The following WDR74 variants were observed in gnomAD, a reference collection of about 807,000 sequenced individuals.
WDR74 encodes WD repeat domain 74, also known as WD repeat-containing protein 74.
WDR74 carries 31 observed loss-of-function variants against 45.6 expected under a neutral mutation model. That is an observed-to-expected ratio of 0.68 (90% CI 0.51 to 0.92). The LOEUF is 0.92. Ranked by LOEUF, WDR74 falls within the 40% of genes least tolerant of loss-of-function variation. WDR74 has a pLI of 0.00. For missense variants in WDR74, 455 were observed against 497.2 expected (o/e 0.92, Z 0.81); for synonymous variants, 191 against 192.4 (o/e 0.99, Z 0.06).
At position 62,834,349 on chromosome 11, in the gene WDR74, G is replaced by A; in HGVS notation, c.720-18C>T. 1 of 1,613,776 alleles carries A rather than the reference G, an allele frequency of 6.2e-7. No individual in the cohort carries two copies. The highest frequency in any genetic ancestry group is 8.5e-7 in the Non-Finnish European group (1 of 1,179,876). On this transcript the variant is annotated intron_variant, in intron 7 of 10. Coordinates refer to ENST00000278856, the MANE Select transcript of WDR74 (RefSeq NM_001369450.1). Reference sequence around the variant, plus strand: ...TCACTGAGCTGAGGATGAGACCAGAGGCAAGTGGGATCAGCAGTAACCTCC... The same window carrying A: ...TCACTGAGCTGAGGATGAGACCAGAAGCAAGTGGGATCAGCAGTAACCTCC...
chr11:62,833,553 C>G lies in WDR74; in HGVS notation c.978+65G>C, dbSNP rs1182227465. On this transcript the variant is annotated intron_variant, in intron 10 of 10. Transcript: ENST00000278856. ...TCTGCATTCCAGCTGCCTCCTTTTC[C>G]TCTCCATAGGGAGGTCCTCACATCT... The G allele has an allele frequency of 2.0e-6, 3 of 1,532,078 alleles. No homozygotes were observed. In the African/African-American group the frequency reaches 4.1e-5, roughly 21 times the overall value. The allele number at this position is 1,532,078 out of a possible 1,614,324, so 94.9% of individuals were successfully genotyped here.
Position 62,835,780 on chromosome 11 carries a change from T to TG in WDR74, c.430dup (p.His144ProfsTer21), listed in dbSNP as rs756898624. On this transcript the variant is annotated frameshift_variant, in exon 5 of 11. Coordinates refer to ENST00000278856, the MANE Select transcript of WDR74 (RefSeq NM_001369450.1). LOFTEE classifies it high-confidence loss of function. ...CTCTTTCCCACCTGTGGCAACCACA[T>TG]GGGGGTGTGCTGGGTCTTGGCGCAT... 2.5e-6 allele frequency: 4 copies of TG among 1,613,712 alleles called. No homozygotes were observed. The African/African-American group carries it at 5.3e-5, about 22-fold the overall frequency.
chr11:62,834,281 C>G lies in WDR74; in HGVS notation c.770G>C (p.Arg257Pro). 3 of 1,613,918 alleles carry G rather than the reference C, an allele frequency of 1.9e-6. No individual in the cohort carries two copies. The highest frequency in any genetic ancestry group is 2.5e-6 in the Non-Finnish European group (3 of 1,179,880). The change falls in exon 8 of 11, where the codon CGG becomes CCG. Residue 257 changes from arginine to proline, a missense_variant. Coordinates refer to ENST00000278856, the MANE Select transcript of WDR74 (RefSeq NM_001369450.1). The part of the protein sequence containing the change: ...THGQLAEIDL[R>P]QGRLLGCLKG... ...ATGTACCCTAGTCCACTCACCTTGC[C>G]GAAGGTCAATTTCTGCCAGCTGCCC...
At chr11:62,836,203 C>T in intron 3 of WDR74, 167 bp from the exon 4 acceptor site, 1 of 684,864 alleles carries the variant, frequency 1.5e-6, no homozygotes, top group South Asian at 1.9e-5. Context: ...ACTAACAGTC[C>T]AGTTTAGAAG....
In WDR74 at chr11:62,832,934, A is replaced by G. The variant is rs1331947043; in HGVS notation, c.*18T>C. ...GGTGGGTGTTCAGCAGTTTATTTAC[A>G]AAGTGGGCACAGGGGCGTCAGGGGC... On this transcript the variant is annotated 3_prime_UTR_variant, in exon 11 of 11. Coordinates refer to ENST00000278856, the MANE Select transcript of WDR74 (RefSeq NM_001369450.1). The G allele has an allele frequency of 3.8e-6, 6 of 1,583,612 alleles. No homozygotes were observed. Among genetic ancestry groups the G allele is most frequent in the Non-Finnish European group, 5.1e-6 (6 of 1,167,026 alleles).
chr11:62,835,600 T>G (rs774302249), intron 5 of WDR74, 68 bp from the exon 6 acceptor site: 19 of 1,613,036 alleles, frequency 1.2e-5, no homozygotes, highest in Non-Finnish European at 1.6e-5. Flanking sequence ...TCAGCCCTCC[T>G]TCGCCCCCTA....
At chr11:62,841,417 C>T (rs941922490), upstream of WDR74, among the ~76,000 whole-genome samples, 21 of 151,604 alleles carry the variant, frequency 1.4e-4, no homozygotes, top group South Asian at 2.1e-4. Flanking sequence ...ATGAAGATTG[C>T]TGAAGACCAC....
At chr11:62,841,344 G>T (rs897575416), upstream of WDR74, among the ~76,000 whole-genome samples, 3 of 152,022 alleles carry the variant, frequency 2.0e-5, no homozygotes, top group Non-Finnish European at 4.4e-5. Context: ...AATAAAAATG[G>T]AAAACATTAG....
chr11:62,838,039 G>A (rs2084984531), intron 3 of WDR74, among the ~76,000 whole-genome samples: 1 of 152,144 alleles, frequency 6.6e-6, no homozygotes, highest in Non-Finnish European at 1.5e-5. Flanking sequence ...GGAGGTTGAG[G>A]CTGTAGTGAG....
At chr11:62,833,312 A>G (rs1401427655) in intron 10 of WDR74, among the ~76,000 whole-genome samples, 181 bp from the exon 11 acceptor site, 6 of 150,728 alleles carry the variant, frequency 4.0e-5, no homozygotes, top group Non-Finnish European at 5.9e-5. Context: ...AAAAAAAAAA[A>G]AAAAAAAAAA....
At chr11:62,834,602 C>T in intron 6 of WDR74, 75 bp from the exon 7 acceptor site, 2 of 1,246,066 alleles carry the variant, frequency 1.6e-6, no homozygotes, top group Non-Finnish European at 2.2e-6. Context: ...ATCCTCACCC[C>T]CTCCCTGCAC....
chr11:62,837,957 G>A (rs999683857), intron 3 of WDR74, among the ~76,000 whole-genome samples: 1 of 152,104 alleles, frequency 6.6e-6, no homozygotes, highest in African/African-American at 2.4e-5. Context: ...TAAAAATTTA[G>A]CTGGGCAGGG....
In WDR74 at chr11:62,839,549, A is replaced by G. The variant is rs770688561; in HGVS notation, c.22T>C (p.Trp8Arg). 1 of 1,612,064 alleles carries G rather than the reference A, an allele frequency of 6.2e-7. No individual in the cohort carries two copies. Among genetic ancestry groups the G allele is most frequent in the East Asian group, 2.2e-5 (1 of 44,870 alleles). ...TCGGTGCCGACCCACACATGGTTCC[A>G]GCGTGCAGCAGCAGCCGCCATGACA... The part of the protein sequence containing the change: MAAAAAR[W>R]NHVWVGTETG... The change falls in exon 1 of 11, where the codon TGG becomes CGG. Residue 8 changes from tryptophan (W) to arginine (R), a missense_variant. Transcript: ENST00000278856.
rs976539085 is a variant in WDR74 at position 62,833,411 on chromosome 11, C to G, written c.978+207G>C. Reference sequence around the variant, plus strand: ...CCCTCTGGGTACCACCACCTTTATTCCCTGCTCCTAGAAAGCAACCCCATC... The same window carrying G: ...CCCTCTGGGTACCACCACCTTTATTGCCTGCTCCTAGAAAGCAACCCCATC... On this transcript the variant is annotated intron_variant, in intron 10 of 10. Transcript: ENST00000278856. Among the ~76,000 whole-genome samples the G allele has an allele frequency of 2.6e-5, 4 of 152,054 alleles. No individual in the cohort carries two copies. In the East Asian group the frequency reaches 7.7e-4, roughly 29 times the overall value.
upstream of WDR74, among the ~76,000 whole-genome samples, chr11:62,841,188 G>A (rs550787367): frequency 5.3e-5 from 8 of 152,218 alleles, no homozygotes; most frequent in South Asian, 1.2e-3. Flanking sequence ...GTGGTGGCGG[G>A]CGCCTGTAGT....
intron 7 of WDR74, 37 bp downstream of exon 7, chr11:62,834,390 G>GCGGCGC: frequency 1.3e-6 from 2 of 1,584,230 alleles, no homozygotes; most frequent in Non-Finnish European, 1.7e-6. Flanking sequence ...CCCTTCTCAA[G>GCGGCGC]CCCCACCCTC....
chr11:62,834,133 C>T (rs1334453828), intron 8 of WDR74, 143 bp downstream of exon 8: 1 of 1,464,574 alleles, frequency 6.8e-7, no homozygotes. Context: ...TAAGGTCATA[C>T]AGCTTTTAGG....
At chr11:62,834,603 C>G in intron 6 of WDR74, 76 bp from the exon 7 acceptor site, 2 of 1,247,776 alleles carry the variant, frequency 1.6e-6, no homozygotes, top group East Asian at 2.4e-5. Flanking sequence ...TCCTCACCCC[C>G]TCCCTGCACA....
chr11:62,833,447 G>A lies in WDR74; in HGVS notation c.978+171C>T, dbSNP rs2084906794. The A allele has an allele frequency of 3.7e-6, 3 of 818,552 alleles. No homozygotes were observed. In the Admixed American group the frequency reaches 8.3e-5, roughly 23 times the overall value. The allele number at this position is 818,552 out of a possible 1,614,324, so 50.7% of individuals were successfully genotyped here. ...GAAAGCAACCCCATCCATGCTGTTG[G>A]CAATAACCCTCTCAGGATTTTAACT... On this transcript the variant is annotated intron_variant, in intron 10 of 10. Coordinates refer to ENST00000278856, the MANE Select transcript of WDR74 (RefSeq NM_001369450.1).
Sources: gnomAD v4.1 joint callset for allele counts (sites outside exome capture counted in the v4.1 genomes callset) on GRCh38, gnomAD v4.1.1 for gene constraint, MANE v1.5 for transcripts, NCBI Gene and HGNC (gene_info 2026-07-23, HGNC 2026-07-21) for gene names.